The following CAMKMT variants were observed in gnomAD, a reference collection of about 807,000 sequenced individuals.
The protein encoded by CAMKMT is calmodulin-lysine N-methyltransferase, also known as CaM KMT.
CAMKMT carries 53 observed loss-of-function variants against 48.0 expected under a neutral mutation model. The ratio of observed to expected loss-of-function variants is 1.10; its 90% CI spans 0.89 to 1.39. The LOEUF (loss-of-function observed/expected upper bound fraction) is 1.39, where lower values mean the gene tolerates loss of function less well. CAMKMT is among the 40% of genes most tolerant of loss of function. CAMKMT has a pLI of 0.00. For synonymous variants in CAMKMT, 165 were observed against 152.3 expected, an observed-to-expected ratio of 1.08 and a Z score of -0.61; for missense variants, 428 against 402.7, an observed-to-expected ratio of 1.06 and a Z score of -0.54.
intron 3 of CAMKMT, among the ~76,000 whole-genome samples, chr2:44,637,718 G>T (rs1050507232): frequency 5.9e-5 from 9 of 151,976 alleles, no homozygotes; most frequent in African/African-American, 2.2e-4. Context: ...GTATGACAGT[G>T]GTCTTTTAAA....
At chr2:44,487,766 G>A (rs970003421) in intron 3 of CAMKMT, among the ~76,000 whole-genome samples, 7 of 152,142 alleles carry the variant, frequency 4.6e-5, no homozygotes, top group African/African-American at 1.7e-4. Context: ...GACCCATAAG[G>A]CCCCTAATTT....
At chr2:44,493,117 G>A (rs189983036) in intron 3 of CAMKMT, among the ~76,000 whole-genome samples, 304 of 151,820 alleles carry the variant, frequency 2.0e-3, no homozygotes, top group African/African-American at 7.2e-3. Flanking sequence ...GGCTGGTCTC[G>A]AGCTCCTGAC....
chr2:44,433,086 A>G (rs1684747367), intron 3 of CAMKMT, among the ~76,000 whole-genome samples: 1 of 151,898 alleles, frequency 6.6e-6, no homozygotes, highest in Admixed American at 6.6e-5. Flanking sequence ...CACCCAGCTC[A>G]TTTTCTTGTG....
chr2:44,443,781 A>G (rs1468185546), intron 3 of CAMKMT, among the ~76,000 whole-genome samples: 2 of 152,174 alleles, frequency 1.3e-5, no homozygotes. Flanking sequence ...TAACATGAAA[A>G]TGTTATGTTG....
chr2:44,453,599 A>G (rs933560710), intron 3 of CAMKMT, among the ~76,000 whole-genome samples: 5 of 152,090 alleles, frequency 3.3e-5, no homozygotes, highest in African/African-American at 9.6e-5. Flanking sequence ...CATCTTTAGT[A>G]TAGAGAATGG....
At chr2:44,571,619 G>T (rs1455108031) in intron 3 of CAMKMT, among the ~76,000 whole-genome samples, 1 of 152,002 alleles carries the variant, frequency 6.6e-6, no homozygotes, top group Non-Finnish European at 1.5e-5. Flanking sequence ...CGTTATTCAT[G>T]ACCAATATTA....
In CAMKMT at chr2:44,618,752, C is replaced by A. The variant is rs1473512122; in HGVS notation, c.377-85531C>A. ...TGAAATATTTATTTGAAGGCGCCTT[C>A]TGCAGAGTTCAGCAGTAAGGCTCTC... On this transcript the variant is annotated intron_variant, in intron 3 of 10. Transcript: ENST00000378494. This position sits in a 1 kb window ranked among gnomAD's most constrained non-coding sequence, Gnocchi z 4.0. Among the ~76,000 whole-genome samples, 1 of 152,200 alleles carries A rather than the reference C, an allele frequency of 6.6e-6. No individual in the cohort carries two copies. The highest frequency in any genetic ancestry group is 6.5e-5 in the Admixed American group (1 of 15,270).
At chr2:44,754,221 A>G in intron 9 of CAMKMT, 103 bp downstream of exon 9, 1 of 838,590 alleles carries the variant, frequency 1.2e-6, no homozygotes, top group East Asian at 2.5e-5. Context: ...GTCATGTAAT[A>G]CTTTAATACT....
At chr2:44,591,628 G>T (rs1670281939) in intron 3 of CAMKMT, among the ~76,000 whole-genome samples, 1 of 151,982 alleles carries the variant, frequency 6.6e-6, no homozygotes, top group African/African-American at 2.4e-5. Flanking sequence ...CTGTAAACTA[G>T]TTCAACCATT....
Position 44,725,166 on chromosome 2 carries a change from G to GTGTT in CAMKMT, c.623+9816_623+9817insTTGT, listed in dbSNP as rs142392391. Among the ~76,000 whole-genome samples the GTGTT allele has an allele frequency of 4.2e-3, 635 of 151,842 alleles. 5 individuals carry two copies. Among genetic ancestry groups the GTGTT allele is most frequent in the African/African-American group, 0.015 (605 of 41,370 alleles). ...GACGTGTGTGTGTGTGTGTGTGTGTGTGTGTGTGTGTGTGTACCTGTATGC... is the reference window on the plus strand; with the variant it reads ...GACGTGTGTGTGTGTGTGTGTGTGTGTGTTTGTGTGTGTGTGTGTACCTGTATGC... On this transcript the variant is annotated intron_variant, in intron 7 of 10. Coordinates refer to ENST00000378494, the MANE Select transcript of CAMKMT (RefSeq NM_024766.5).
At chr2:44,574,895 C>A (rs530240641) in intron 3 of CAMKMT, among the ~76,000 whole-genome samples, 2 of 151,616 alleles carry the variant, frequency 1.3e-5, no homozygotes, top group African/African-American at 4.9e-5. Flanking sequence ...CATGAGCCAC[C>A]ACGCCCAGCT....
intron 10 of CAMKMT, among the ~76,000 whole-genome samples, chr2:44,771,610 C>A (rs1398883735): frequency 3.3e-5 from 5 of 152,232 alleles, no homozygotes; most frequent in South Asian, 2.1e-4. Flanking sequence ...TTCCCTGTGC[C>A]CAGATGTTGC....
chr2:44,463,123 G>C (rs1667933042), intron 3 of CAMKMT, among the ~76,000 whole-genome samples: 1 of 152,178 alleles, frequency 6.6e-6, no homozygotes, highest in Non-Finnish European at 1.5e-5. Context: ...TCAATGCCAT[G>C]GATACCTATG....
intron 3 of CAMKMT, among the ~76,000 whole-genome samples, chr2:44,451,594 AAAAGCAGT>A (rs1667289294): frequency 6.6e-6 from 1 of 152,014 alleles, no homozygotes; most frequent in African/African-American, 2.4e-5. Context: ...GGCTGTAATC[AAAAGCAGT>A]AACTACTATC....
intron 10 of CAMKMT, among the ~76,000 whole-genome samples, chr2:44,769,644 C>T (rs181697609): frequency 1.3e-5 from 2 of 151,342 alleles, no homozygotes; most frequent in East Asian, 1.9e-4. Context: ...TTTTACATGC[C>T]GTGGGTTTTT....
intron 3 of CAMKMT, among the ~76,000 whole-genome samples, chr2:44,499,254 G>A (rs1669898163): frequency 6.6e-6 from 1 of 152,160 alleles, no homozygotes; most frequent in African/African-American, 2.4e-5. Flanking sequence ...AGCCATTTAT[G>A]TGAGGTTCTT....
intron 3 of CAMKMT, among the ~76,000 whole-genome samples, chr2:44,680,551 G>A (rs1175342666): frequency 2.0e-5 from 3 of 152,150 alleles, no homozygotes; most frequent in Non-Finnish European, 4.4e-5. Context: ...ATTTTGATTC[G>A]TCACATGTGA....
At chr2:44,456,544 T>C in intron 3 of CAMKMT, 1 of 1,549,224 alleles carries the variant, frequency 6.5e-7, no homozygotes. Context: ...ACCTTTTCTA[T>C]ACATGTCATC....
At chr2:44,748,720 A>T (rs368226308) in intron 8 of CAMKMT, among the ~76,000 whole-genome samples, 23 of 152,090 alleles carry the variant, frequency 1.5e-4, no homozygotes, top group East Asian at 1.2e-3. Flanking sequence ...AAAATAATAA[A>T]AAAAAAATTA....
Sources: gnomAD v4.1 joint callset for allele counts (sites outside exome capture counted in the v4.1 genomes callset) on GRCh38, gnomAD v4.1.1 for gene constraint, Gnocchi (gnomAD v3.1) non-coding constraint, MANE v1.5 for transcripts, NCBI Gene and HGNC (gene_info 2026-07-23, HGNC 2026-07-21) for gene names.